The following RECQL4 variants were observed in gnomAD, a reference collection of about 807,000 sequenced individuals.
RECQL4 encodes RecQ like helicase 4, also known as ATP-dependent DNA helicase Q4.
A neutral mutation model predicts 128.6 loss-of-function variants in RECQL4; 158 were observed. That is an observed-to-expected ratio of 1.23 (90% confidence interval 1.08 to 1.40). RECQL4 has a LOEUF of 1.40. Ranked by LOEUF, RECQL4 falls within the 40% of genes most tolerant of loss-of-function variation. The pLI, the probability that RECQL4 is intolerant of heterozygous loss-of-function variation, is 0.00. For synonymous variants in RECQL4, 996 were observed against 678.9 expected, an observed-to-expected ratio of 1.47 and a Z score of -7.26; for missense variants, 2,293 against 1,649.8, an observed-to-expected ratio of 1.39 and a Z score of -6.75.
At chr8:144,516,996 G>A (rs1344869547) in intron 4 of RECQL4, 54 bp downstream of exon 4, 22 of 1,567,994 alleles carry the variant, frequency 1.4e-5, no homozygotes, top group Non-Finnish European at 1.6e-5. Flanking sequence ...AGGGCGACCC[G>A]GACCGGAAGC....
At position 144,513,691 on chromosome 8, in the gene RECQL4, C is replaced by T. The variant is rs750118023; in HGVS notation, c.2080G>A (p.Gly694Ser). ...TDQALLTLLQ[G>S]KRFQNLDSII... ...GAATCGAGGTTTTGAAAACGTTTGC[C>T]TTGCAGCAGCGTCAACAGTGCCTGA... Residue 694 changes from glycine to serine, a missense_variant, in exon 13 of 21, where the codon GGC becomes AGC. By Grantham distance (56) the Gly-to-Ser change is moderately conservative (BLOSUM62 0). Transcript: ENST00000617875. The T allele has an allele frequency of 6.5e-6, 10 of 1,548,324 alleles. No homozygotes were observed. Among genetic ancestry groups the T allele is most frequent in the South Asian group, 2.4e-5 (2 of 84,020 alleles).
At position 144,514,189 on chromosome 8, in the gene RECQL4, C is replaced by T. The variant is rs1433507669; in HGVS notation, c.1878G>A (p.Lys626=). 9 of 1,612,240 alleles carry T rather than the reference C, an allele frequency of 5.6e-6. No homozygotes were observed. Among genetic ancestry groups the T allele is most frequent in the South Asian group, 1.1e-5 (1 of 91,090 alleles). ...CCACCCCAGTTCACATATGGCTCAC[C>T]TTGCAGACGCGCAGGTAGCAGGGCC... is the stretch of plus-strand genomic sequence containing the variant. ...NFRPCYLRVC[K]VLRERMGVHC... Residue 626 remains lysine, a splice_region_variant and synonymous_variant, in exon 11 of 21, where the codon AAG becomes AAA. Transcript: ENST00000617875.
chr8:144,516,856 A>G, intron 4 of RECQL4, 92 bp from the exon 5 acceptor site: 3 of 1,398,514 alleles, frequency 2.1e-6, no homozygotes, highest in Non-Finnish European at 2.9e-6. Context: ...GCTCAATTGT[A>G]GAGCAGGCTA....
chr8:144,516,970 T>G (rs947196606), intron 4 of RECQL4, 80 bp downstream of exon 4: 8 of 1,535,758 alleles, frequency 5.2e-6, no homozygotes, highest in Non-Finnish European at 7.0e-6. Flanking sequence ...CCTGTCTGTG[T>G]GGAAAAAATG....
At position 144,516,440 on chromosome 8, in the gene RECQL4, C is replaced by T. The variant is rs762756480; in HGVS notation, c.679G>A (p.Val227Ile). Residue 227 changes from valine to isoleucine, a missense_variant, in exon 5 of 21, where the codon GTC (valine) becomes ATC (isoleucine). Coordinates refer to ENST00000617875, the MANE Select transcript of RECQL4 (RefSeq NM_004260.4). Reference sequence around the variant, plus strand: ...TGGGAGCCAGCACCAGGACCAAGGACAGCCGACTCACCAGGGATCAGAAGT... The same window carrying T: ...TGGGAGCCAGCACCAGGACCAAGGATAGCCGACTCACCAGGGATCAGAAGT... ...SQLLIPGESA[V>I]LGPGAGSQGP... is the part of the protein sequence containing the mutation. 2 of 1,608,844 alleles carry T rather than the reference C, an allele frequency of 1.2e-6. No homozygotes were observed. The highest frequency in any genetic ancestry group is 2.2e-5 in the East Asian group (1 of 44,904).
At position 144,515,857 on chromosome 8, in the gene RECQL4, A is replaced by G. The variant is rs551814194; in HGVS notation, c.1165T>C (p.Cys389Arg). Residue 389 changes from cysteine to arginine, a missense_variant, in exon 6 of 21, where the codon TGT (cysteine) becomes CGT (arginine). By Grantham distance (180) the Cys-to-Arg change is radical (BLOSUM62 -3). Coordinates refer to ENST00000617875, the MANE Select transcript of RECQL4 (RefSeq NM_004260.4). ...ACTGTGGCACCACCACCCCCAAAACACTCCCCTTTCTTCCGCCACTTCTGC... is the reference window on the plus strand; with the variant it reads ...ACTGTGGCACCACCACCCCCAAAACGCTCCCCTTTCTTCCGCCACTTCTGC... Reference protein sequence around the residue: ...WKQKWRKKGECFGGGGATVTT... With the variant: ...WKQKWRKKGERFGGGGATVTT... 20 of 1,610,118 alleles carry G rather than the reference A, an allele frequency of 1.2e-5. No individual in the cohort carries two copies. In the African/African-American group the frequency reaches 2.6e-4, roughly 21 times the overall value.
In RECQL4 at chr8:144,511,570, A is replaced by G; in HGVS notation, c.3503-15T>C. The G allele has an allele frequency of 6.2e-7, 1 of 1,610,964 alleles. No individual in the cohort carries two copies. ...GCAGGGGCTTCCTACGGTGGAGCCA[A>G]GACACAGCCGTGAGCCCCAGCCCCA... is the stretch of plus-strand genomic sequence containing the variant. On this transcript the variant is annotated splice_polypyrimidine_tract_variant and intron_variant, in intron 20 of 20. Transcript: ENST00000617875.
rs2130698595 is a variant in RECQL4 at position 144,514,486 on chromosome 8, G to A, written c.1660C>T (p.His554Tyr). The change falls in exon 10 of 21, where the codon CAC becomes TAC. Residue 554 changes from histidine (H) to tyrosine (Y), a missense_variant. Physicochemically the swap from His to Tyr is moderately conservative, Grantham distance 83. Coordinates refer to ENST00000617875, the MANE Select transcript of RECQL4 (RefSeq NM_004260.4). ...LPPCLKAACIHSGMTRKQRES... is the reference protein window; with the variant it reads ...LPPCLKAACIYSGMTRKQRES... ...CGTTGCTTCCTGGTCATGCCCGAGT[G>A]TATGCAGGCCGCCTTGAGACACGGT... 6.2e-7 allele frequency: 1 copy of A among 1,612,350 alleles called. No homozygotes were observed. Among genetic ancestry groups the A allele is most frequent in the Non-Finnish European group, 8.5e-7 (1 of 1,179,638 alleles).
rs1827482477 is a variant in RECQL4, at chr8:144,512,718, G to C, written c.2809C>G (p.Leu937Val). Residue 937 changes from leucine (L) to valine (V), a missense_variant, in exon 16 of 21, where the codon CTG becomes GTG. Leu to Val is a conservative substitution (Grantham distance 32). Coordinates refer to ENST00000617875, the MANE Select transcript of RECQL4 (RefSeq NM_004260.4). The stretch of plus-strand genomic sequence containing the variant: ...CAATGGGTATAGGTGGTCGCCAGCA[G>C]CTCCAGCCAGTGGTGTGGGTGCAGC... ...LELHPHHWLELLATTYTHCRL... is the reference protein window; with the variant it reads ...LELHPHHWLEVLATTYTHCRL... 2 of 1,612,088 alleles carry C rather than the reference G, an allele frequency of 1.2e-6. No individual in the cohort carries two copies. Among genetic ancestry groups the C allele is most frequent in the Non-Finnish European group, 1.7e-6 (2 of 1,179,798 alleles).
rs1827156856 is a variant in RECQL4 at position 144,511,343 on chromosome 8, C to A, written c.*88G>T. ...ATTTTGGAGCCTCCTCGTTCCCACA[C>A]CCTGTGGCAGGTTTTGCCCAGGTCC... On this transcript the variant is annotated 3_prime_UTR_variant, in exon 21 of 21. Transcript: ENST00000617875. 5 of 1,584,278 alleles carry A rather than the reference C, an allele frequency of 3.2e-6. No homozygotes were observed. The highest frequency in any genetic ancestry group is 3.5e-6 in the Non-Finnish European group (4 of 1,159,204).
rs746465216 is a variant in RECQL4 at position 144,513,973 on chromosome 8, G to A, written c.2013C>T (p.Pro671=). The change falls in exon 12 of 21, where the codon CCC becomes CCT. Residue 671 remains proline, a synonymous_variant. Coordinates refer to ENST00000617875, the MANE Select transcript of RECQL4 (RefSeq NM_004260.4). ...EPDLHGPAPV[P]TNLHLSVSMD... ...TGGACACGGAAAGGTGCAGGTTGGTGGGAACTGGGGCTGGCCCGTGGAGGT... is the reference window on the plus strand; with the variant it reads ...TGGACACGGAAAGGTGCAGGTTGGTAGGAACTGGGGCTGGCCCGTGGAGGT... The A allele has an allele frequency of 2.6e-6, 4 of 1,563,926 alleles. No individual in the cohort carries two copies. The highest frequency in any genetic ancestry group is 1.2e-5 in the South Asian group (1 of 85,142).
In RECQL4 at chr8:144,511,388, C is replaced by G; in HGVS notation, c.*43G>C. ...AGGTCCTCAGTCACTGCCCTAGCCTCTGACAACCCCAGCTCTACCCGACAT... is the reference window on the plus strand; with the variant it reads ...AGGTCCTCAGTCACTGCCCTAGCCTGTGACAACCCCAGCTCTACCCGACAT... On this transcript the variant is annotated 3_prime_UTR_variant, in exon 21 of 21. Coordinates refer to ENST00000617875, the MANE Select transcript of RECQL4 (RefSeq NM_004260.4). 1 of 1,601,482 alleles carries G rather than the reference C, an allele frequency of 6.2e-7. No individual in the cohort carries two copies. Among genetic ancestry groups the G allele is most frequent in the Non-Finnish European group, 8.5e-7 (1 of 1,170,524 alleles).
Position 144,516,433 on chromosome 8 carries a change from C to A in RECQL4, c.686G>T (p.Gly229Val). The change falls in exon 5 of 21, where the codon GGT becomes GTT. Residue 229 changes from glycine to valine, a missense_variant. Physicochemically the swap from Gly to Val is moderately radical, Grantham distance 109 (BLOSUM62 -3). Coordinates refer to ENST00000617875, the MANE Select transcript of RECQL4 (RefSeq NM_004260.4). ...TGGGCCCTGGGAGCCAGCACCAGGACCAAGGACAGCCGACTCACCAGGGAT... is the reference window on the plus strand; with the variant it reads ...TGGGCCCTGGGAGCCAGCACCAGGAACAAGGACAGCCGACTCACCAGGGAT... ...LLIPGESAVL[G>V]PGAGSQGPEA... The A allele has an allele frequency of 6.2e-7, 1 of 1,608,992 alleles. No individual in the cohort carries two copies.
At chr8:144,513,184 G>A (rs759827193) in intron 14 of RECQL4, 34 bp downstream of exon 14, 12 of 1,059,068 alleles carry the variant, frequency 1.1e-5, no homozygotes, top group African/African-American at 1.7e-5. Context: ...CTGGGGGCTC[G>A]AGCACTGGCA....
In RECQL4 at chr8:144,516,495, G is replaced by A. The variant is rs1216079589; in HGVS notation, c.624C>T (p.Cys208=). The stretch of plus-strand genomic sequence containing the variant: ...ATTCCTCTGAGCCTAGATCAGGCCT[G>A]CAGGCTTTGGGGGCCCCCAGAAAAT... ...VPDFLGAPKA[C]RPDLGSEESQ... The change falls in exon 5 of 21, where the codon TGC becomes TGT. Residue 208 remains cysteine (C), a synonymous_variant. Transcript: ENST00000617875. 2 of 1,608,876 alleles carry A rather than the reference G, an allele frequency of 1.2e-6. No individual in the cohort carries two copies. Among genetic ancestry groups the A allele is most frequent in the Non-Finnish European group, 1.7e-6 (2 of 1,179,658 alleles).
chr8:144,514,669 G>A (rs1255527996), intron 9 of RECQL4, 144 bp from the exon 10 acceptor site: 3 of 939,026 alleles, frequency 3.2e-6, no homozygotes, highest in Non-Finnish European at 4.7e-6. Flanking sequence ...AGGGTTTAGA[G>A]CCACCTGTGG....
In RECQL4 at chr8:144,516,446, A is replaced by G. The variant is rs1259887674; in HGVS notation, c.673T>C (p.Ser225Pro). ...EESQLLIPGE[S>P]AVLGPGAGSQ... ...CCAGCACCAGGACCAAGGACAGCCG[A>G]CTCACCAGGGATCAGAAGTTGTGAT... is the stretch of plus-strand genomic sequence containing the variant. The change falls in exon 5 of 21, where the codon TCG (serine) becomes CCG (proline). Residue 225 changes from serine to proline, a missense_variant. Coordinates refer to ENST00000617875, the MANE Select transcript of RECQL4 (RefSeq NM_004260.4). 6.2e-7 allele frequency: 1 copy of G among 1,608,796 alleles called. No homozygotes were observed. The highest frequency in any genetic ancestry group is 2.2e-5 in the East Asian group (1 of 44,874).
Position 144,513,064 on chromosome 8 carries a change from T to C in RECQL4, c.2538A>G (p.Val846=), listed in dbSNP as rs746303718. The change falls in exon 15 of 21, where the codon GTA becomes GTG. Residue 846 remains valine, a synonymous_variant. Transcript: ENST00000617875. ...STDFLAVKRL[V]QRVFPACTCT... ...AGGTGCAGGCTGGGAACACGCGCTG[T>C]ACCAGCCTCTTCACAGCCAGGAAGT... 7.4e-5 allele frequency: 117 copies of C among 1,576,528 alleles called. No individual in the cohort carries two copies. The highest frequency in any genetic ancestry group is 1.8e-4 in the Admixed American group (10 of 55,430).
In RECQL4 at chr8:144,513,358, C is replaced by T. The variant is rs2130678662; in HGVS notation, c.2323G>A (p.Gly775Arg). The T allele has an allele frequency of 1.9e-6, 3 of 1,606,240 alleles. 1 individual carries two copies. The highest frequency in any genetic ancestry group is 3.3e-4 in the Middle Eastern group (2 of 6,058). Residue 775 changes from glycine (G) to arginine (R), a missense_variant, in exon 14 of 21, where the codon GGG becomes AGG. Gly to Arg is a moderately radical substitution (Grantham distance 125, BLOSUM62 -2). Transcript: ENST00000617875. ...ACATCTGGCCGGTCCAGCCCCATCCCAAAGGCCACCGTGGCCACCACCACC... is the reference window on the plus strand; with the variant it reads ...ACATCTGGCCGGTCCAGCCCCATCCTAAAGGCCACCGTGGCCACCACCACC... Reference protein sequence around the residue: ...LRVVVATVAFGMGLDRPDVRA... With the variant: ...LRVVVATVAFRMGLDRPDVRA...
Sources: gnomAD v4.1 joint callset for allele counts on GRCh38, gnomAD v4.1.1 for gene constraint, MANE v1.5 for transcripts, NCBI Gene and HGNC (gene_info 2026-07-23, HGNC 2026-07-21) for gene names.